IL4R: variants seen among roughly 807,000 people sequenced by gnomAD.
IL4R encodes interleukin 4 receptor, also known as interleukin-4 receptor subunit alpha.
A neutral mutation model predicts 41.5 loss-of-function variants in IL4R; 17 were observed. The observed-to-expected ratio is 0.41, with a 90% confidence interval of 0.28 to 0.61. The LOEUF (loss-of-function observed/expected upper bound fraction) is 0.61, where lower values mean the gene tolerates loss of function less well. Among genes scored for constraint, IL4R ranks in the 20% least tolerant of loss-of-function variants. The pLI is 0.31. For missense variants in IL4R, 974 were observed against 1,043.1 expected, an observed-to-expected ratio of 0.93 and a Z score of 0.91; for synonymous variants, 402 against 422.9, an observed-to-expected ratio of 0.95 and a Z score of 0.61.
intron 1 of IL4R, among the ~76,000 whole-genome samples, chr16:27,327,201 G>T (rs1460359819): frequency 6.6e-6 from 1 of 152,192 alleles, no homozygotes; most frequent in South Asian, 2.1e-4. Context: ...TGTCACAGAG[G>T]TGCTTGCATC....
Position 27,363,714 on chromosome 16 carries a change from A to G in IL4R, c.2362A>G (p.Lys788Glu), listed in dbSNP as rs2086396000. Reference sequence around the variant, plus strand: ...CCTGGCACCCTCGGGCATCTCAGAGAAGAGTAAATCCTCATCATCCTTCCA... The same window carrying G: ...CCTGGCACCCTCGGGCATCTCAGAGGAGAGTAAATCCTCATCATCCTTCCA... ...ASLAPSGISE[K>E]SKSSSSFHPA... Residue 788 changes from lysine (K) to glutamate (E), a missense_variant, in exon 11 of 11, where the codon AAG becomes GAG. Around this residue, in one of 3 missense-constraint regions of IL4R, gnomAD observed 682 missense variants for 704.3 expected, o/e 0.97. Transcript: ENST00000395762. 1 of 1,613,748 alleles carries G rather than the reference A, an allele frequency of 6.2e-7. No individual in the cohort carries two copies. Among genetic ancestry groups the G allele is most frequent in the Non-Finnish European group, 8.5e-7 (1 of 1,179,988 alleles).
chr16:27,341,304 A>C (rs1211337875), intron 3 of IL4R: 1 of 616,208 alleles, frequency 1.6e-6, no homozygotes, highest in Admixed American at 2.7e-5. Context: ...GAAGGATGCC[A>C]GAAGAGAAGG....
At chr16:27,361,805 G>GGGCTCTGTTGCCC (rs2086298726) in intron 10 of IL4R, among the ~76,000 whole-genome samples, 1 of 151,740 alleles carries the variant, frequency 6.6e-6, no homozygotes, top group Admixed American at 6.6e-5. Context: ...AGAGATGTTT[G>GGGCTCTGTTGCCC]AGACGGCTTG....
At chr16:27,324,270 C>T (rs1000819280) in intron 1 of IL4R, among the ~76,000 whole-genome samples, 4 of 119,276 alleles carry the variant, frequency 3.4e-5, no homozygotes, top group African/African-American at 8.5e-5. Context: ...AGGTCAGGGC[C>T]CCGAGGTGGC....
rs116443727 is a variant in IL4R at position 27,323,951 on chromosome 16, G to A, written c.-151-6115G>A. On this transcript the variant is annotated intron_variant, in intron 1 of 10. Coordinates refer to ENST00000395762, the MANE Select transcript of IL4R (RefSeq NM_000418.4). ...TGTGATTACAGGTAGGAGCCACCGCGCCCAGCCTTCAAGTGCTTTTTTTTG... is the reference window on the plus strand; with the variant it reads ...TGTGATTACAGGTAGGAGCCACCGCACCCAGCCTTCAAGTGCTTTTTTTTG... Among the ~76,000 whole-genome samples, 978 of 152,132 alleles carry A rather than the reference G, an allele frequency of 6.4e-3. 9 individuals carry two copies. Among genetic ancestry groups the A allele is most frequent in the African/African-American group, 0.022 (921 of 41,442 alleles).
rs747757640 is a variant in IL4R, at chr16:27,325,328, T to C, written c.-151-4738T>C. 8.0e-4 allele frequency among the ~76,000 whole-genome samples: 121 copies of C among 151,992 alleles called. 2 individuals are homozygous for C. Among genetic ancestry groups the C allele is most frequent in the African/African-American group, 2.3e-3 (96 of 41,402 alleles). Reference sequence around the variant, plus strand: ...GGCTCACGCCTGTAATCCCAGCACTTTGGGAGGCTGAGGTGGGTGGATCAC... The same window carrying C: ...GGCTCACGCCTGTAATCCCAGCACTCTGGGAGGCTGAGGTGGGTGGATCAC... On this transcript the variant is annotated intron_variant, in intron 1 of 10. Coordinates refer to ENST00000395762, the MANE Select transcript of IL4R (RefSeq NM_000418.4).
chr16:27,362,123 T>G, intron 10 of IL4R, 129 bp from the exon 11 acceptor site: 1 of 869,172 alleles, frequency 1.2e-6, no homozygotes, highest in South Asian at 1.6e-5. Context: ...AATTACTGAT[T>G]ATAACGTTAG....
intron 2 of IL4R, among the ~76,000 whole-genome samples, chr16:27,332,828 G>T (rs1256410917): frequency 6.6e-6 from 1 of 151,786 alleles, no homozygotes; most frequent in Non-Finnish European, 1.5e-5. Context: ...TCTAAGCACT[G>T]CTTTTGCTAC....
intron 1 of IL4R, among the ~76,000 whole-genome samples, chr16:27,317,889 C>T (rs2084692660): frequency 6.6e-6 from 1 of 152,130 alleles, no homozygotes; most frequent in Admixed American, 6.5e-5. Context: ...CATTTTGGAC[C>T]GAGTCCCTTC....
At chr16:27,357,608 C>T (rs1452244742) in intron 8 of IL4R, among the ~76,000 whole-genome samples, 4 of 151,964 alleles carry the variant, frequency 2.6e-5, no homozygotes, top group African/African-American at 7.3e-5. Flanking sequence ...GGATTACAGG[C>T]GTGTGCCACG....
At chr16:27,339,112 C>A (rs2085354088) in intron 2 of IL4R, among the ~76,000 whole-genome samples, 1 of 152,028 alleles carries the variant, frequency 6.6e-6, no homozygotes, top group Non-Finnish European at 1.5e-5. Context: ...ACCTTGGCTC[C>A]CCAAAGTGCT....
chr16:27,363,860 G>C lies in IL4R; in HGVS notation c.*30G>C. The stretch of plus-strand genomic sequence containing the variant: ...ATGTCCTCTTGTTGCTGAGTCTGCA[G>C]ATGAGGACTAGGGCTTATCCATGCC... On this transcript the variant is annotated 3_prime_UTR_variant, in exon 11 of 11. Transcript: ENST00000395762. The C allele has an allele frequency of 1.3e-6, 2 of 1,583,148 alleles. No individual in the cohort carries two copies. The highest frequency in any genetic ancestry group is 1.7e-6 in the Non-Finnish European group (2 of 1,170,698).
At position 27,362,372 on chromosome 16, in the gene IL4R, A is replaced by G. The variant is rs775057596; in HGVS notation, c.1020A>G (p.Ala340=). Residue 340 remains alanine (A), a synonymous_variant, in exon 11 of 11, where the codon GCA becomes GCG. Coordinates refer to ENST00000395762, the MANE Select transcript of IL4R (RefSeq NM_000418.4). ...EMPFQGSGKS[A]WCPVEISKTV... is the part of the protein sequence containing the mutation. ...CTTTCCAGGGCTCTGGAAAATCAGC[A>G]TGGTGCCCAGTGGAGATCAGCAAGA... The G allele has an allele frequency of 1.9e-6, 3 of 1,614,172 alleles. No homozygotes were observed. The highest frequency in any genetic ancestry group is 1.3e-5 in the African/African-American group (1 of 75,030).
At chr16:27,339,817 G>A (rs1214670631) in intron 2 of IL4R, among the ~76,000 whole-genome samples, 2 of 152,154 alleles carry the variant, frequency 1.3e-5, no homozygotes, top group Admixed American at 1.3e-4. Context: ...CCAGCACTTC[G>A]AGAAGACCAG....
At chr16:27,324,318 C>G (rs746393014) in intron 1 of IL4R, among the ~76,000 whole-genome samples, 5 of 152,186 alleles carry the variant, frequency 3.3e-5, no homozygotes, top group Admixed American at 1.3e-4. Flanking sequence ...TAAGGGGACT[C>G]CAAGCCAGGA....
chr16:27,353,907 G>A (rs2085963047), intron 7 of IL4R, among the ~76,000 whole-genome samples: 1 of 152,176 alleles, frequency 6.6e-6, no homozygotes. Flanking sequence ...TCTACCTGCA[G>A]CCATGTTGGT....
At chr16:27,360,225 G>A (rs142683175) in intron 9 of IL4R, among the ~76,000 whole-genome samples, 1 of 152,258 alleles carries the variant, frequency 6.6e-6, no homozygotes, top group African/African-American at 2.4e-5. Flanking sequence ...TGTCGGTCAG[G>A]CTGGTCTGGA....
chr16:27,334,904 C>T (rs778968081), intron 2 of IL4R, among the ~76,000 whole-genome samples: 6 of 152,088 alleles, frequency 3.9e-5, no homozygotes, highest in Admixed American at 1.3e-4. Context: ...TTACTGAACA[C>T]GTCCTATGTG....
chr16:27,344,904 C>T lies in IL4R; in HGVS notation c.245C>T (p.Ala82Val), dbSNP rs750194290. Residue 82 changes from alanine to valine, a missense_variant, in exon 5 of 11, where the codon GCG becomes GTG. By Grantham distance (64) the Ala-to-Val change is moderately conservative. Around this residue, in one of 3 missense-constraint regions of IL4R, gnomAD observed 284 missense variants for 313.4 expected, o/e 0.91. Coordinates refer to ENST00000395762, the MANE Select transcript of IL4R (RefSeq NM_000418.4). ...HTCIPENNGGAGCVCHLLMDD... is the reference protein window; with the variant it reads ...HTCIPENNGGVGCVCHLLMDD... ...TGTATCCCTGAGAACAACGGAGGCG[C>T]GGGGTGCGTGTGCCACCTGCTCATG... 1.1e-5 allele frequency: 18 copies of T among 1,614,158 alleles called. No individual in the cohort carries two copies. Among genetic ancestry groups the T allele is most frequent in the South Asian group, 5.5e-5 (5 of 91,084 alleles).
Sources: gnomAD v4.1 joint callset for allele counts (sites outside exome capture counted in the v4.1 genomes callset) on GRCh38, gnomAD v4.1.1 for gene constraint, gnomAD v4.1.1 regional missense constraint, MANE v1.5 for transcripts, NCBI Gene and HGNC (gene_info 2026-07-23, HGNC 2026-07-21) for gene names.